Variants in MOB1B observed in about 807,000 individuals in gnomAD.
MOB1B encodes the protein MOB1 Mps One Binder homolog B.
A neutral mutation model predicts 24.4 loss-of-function variants in MOB1B; 19 were observed. That is an observed-to-expected ratio of 0.78 (90% CI 0.54 to 1.14). MOB1B has a LOEUF of 1.14. Ranked by LOEUF, MOB1B falls within the 50% of genes most tolerant of loss-of-function variation. MOB1B has a pLI of 0.00. For missense variants in MOB1B, 243 were observed against 259.6 expected, an observed-to-expected ratio of 0.94 and a Z score of 0.44; for synonymous variants, 76 against 82.1, an observed-to-expected ratio of 0.93 and a Z score of 0.40.
chr4:70,981,280 T>G (rs1739203420), intron 5 of MOB1B, among the ~76,000 whole-genome samples: 1 of 152,168 alleles, frequency 6.6e-6, no homozygotes, highest in Non-Finnish European at 1.5e-5. Context: ...TGAATTAAAT[T>G]GAAACTAAGA....
At chr4:70,939,030 A>G (rs915370876) in intron 1 of MOB1B, among the ~76,000 whole-genome samples, 3 of 152,208 alleles carry the variant, frequency 2.0e-5, no homozygotes, top group Non-Finnish European at 2.9e-5. Flanking sequence ...TGCAAAAATG[A>G]GAGCTGCTGA....
chr4:70,949,457 G>C lies in MOB1B; in HGVS notation c.15-9417G>C, dbSNP rs977189804. Among the ~76,000 whole-genome samples the C allele has an allele frequency of 5.9e-5, 9 of 152,134 alleles. 1 individual carries two copies. In the South Asian group the frequency reaches 6.2e-4, roughly 11 times the overall value. The stretch of plus-strand genomic sequence containing the variant: ...TTGACAGCTTCTAACATTTTTTGCA[G>C]ATGCATGTCTGCCTTTCTGAAAGCG... On this transcript the variant is annotated intron_variant, in intron 1 of 5. Coordinates refer to ENST00000309395, the MANE Select transcript of MOB1B (RefSeq NM_173468.4).
intron 4 of MOB1B, 120 bp downstream of exon 4, chr4:70,975,406 G>A: frequency 6.8e-7 from 1 of 1,461,616 alleles, no homozygotes; most frequent in African/African-American, 1.4e-5. Flanking sequence ...GTTGATATAT[G>A]TATATGTTAC....
intron 1 of MOB1B, among the ~76,000 whole-genome samples, chr4:70,943,923 A>T (rs1445012802): frequency 6.6e-6 from 1 of 152,238 alleles, no homozygotes; most frequent in Non-Finnish European, 1.5e-5. Context: ...ATATATAAAT[A>T]CAAAATTTGA....
chr4:70,913,195 G>A (rs138933872), intron 1 of MOB1B, among the ~76,000 whole-genome samples: 223 of 152,134 alleles, frequency 1.5e-3, no homozygotes, highest in Middle Eastern at 6.8e-3. Context: ...TTTGAGTTAC[G>A]CATTTGAGGC....
chr4:70,971,793 C>T (rs1347764332), intron 3 of MOB1B, among the ~76,000 whole-genome samples: 1 of 152,200 alleles, frequency 6.6e-6, no homozygotes, highest in Non-Finnish European at 1.5e-5. Context: ...GCCAGTTCTT[C>T]TGGCTTGAGA....
At chr4:70,974,245 C>T (rs892379909) in intron 3 of MOB1B, among the ~76,000 whole-genome samples, 3 of 151,880 alleles carry the variant, frequency 2.0e-5, no homozygotes, top group Non-Finnish European at 4.4e-5. Context: ...ACCTCCTCCT[C>T]CCTGGTTCAA....
At chr4:70,944,732 G>A (rs1467545547) in intron 1 of MOB1B, among the ~76,000 whole-genome samples, 1 of 152,116 alleles carries the variant, frequency 6.6e-6, no homozygotes, top group Non-Finnish European at 1.5e-5. Context: ...GGCAAAAGTA[G>A]GAGCAAGACA....
At chr4:70,905,024 T>TA (rs1196295111) in intron 1 of MOB1B, among the ~76,000 whole-genome samples, 2 of 152,202 alleles carry the variant, frequency 1.3e-5, no homozygotes, top group Admixed American at 1.3e-4. Context: ...TCAGTTAGGT[T>TA]ATATCTATCT....
At position 70,965,796 on chromosome 4, in the gene MOB1B, CAAAAAAAAAAAAA is replaced by C. The variant is rs71211986; in HGVS notation, c.182-4119_182-4107del. On this transcript the variant is annotated intron_variant, in intron 2 of 5. Transcript: ENST00000309395. Reference sequence around the variant, plus strand: ...TGGGCGACAGAGCGAGACTCCGTCTCAAAAAAAAAAAAAAAAAAAAAAAAAAAAGTTGTAAGAG... The same window carrying C: ...TGGGCGACAGAGCGAGACTCCGTCTCAAAAAAAAAAAAAAAGTTGTAAGAG... Among the ~76,000 whole-genome samples, 5 of 28,700 alleles carry C rather than the reference CAAAAAAAAAAAAA, an allele frequency of 1.7e-4. 1 individual carries two copies. In the East Asian group the frequency reaches 2.7e-3, roughly 16 times the overall value. The allele number at this position is 28,700 out of a possible 152,430, so 18.8% of individuals were successfully genotyped here.
intron 1 of MOB1B, among the ~76,000 whole-genome samples, chr4:70,914,206 A>G (rs992813505): frequency 2.0e-5 from 3 of 152,200 alleles, no homozygotes; most frequent in African/African-American, 4.8e-5. Context: ...CTTGAACTAT[A>G]CAGGCTCTTT....
At chr4:70,902,884 G>GTA (rs1412149567) in intron 1 of MOB1B, among the ~76,000 whole-genome samples, 1 of 152,208 alleles carries the variant, frequency 6.6e-6, no homozygotes, top group African/African-American at 2.4e-5. Flanking sequence ...CTTCTCGTGG[G>GTA]TATCTCCCAC....
intron 2 of MOB1B, among the ~76,000 whole-genome samples, chr4:70,968,689 A>G (rs1738636568): frequency 6.6e-6 from 1 of 152,168 alleles, no homozygotes; most frequent in South Asian, 2.1e-4. Context: ...ATCATAGCTC[A>G]TTATAGCCTC....
chr4:70,902,676 C>T, intron 1 of MOB1B, 126 bp downstream of exon 1: 1 of 920,264 alleles, frequency 1.1e-6, no homozygotes, highest in Non-Finnish European at 1.5e-6. Context: ...GGCCCGGCGT[C>T]ACCACCAAGC....
intron 2 of MOB1B, 43 bp from the exon 3 acceptor site, chr4:70,969,888 T>C: frequency 9.1e-7 from 1 of 1,098,468 alleles, no homozygotes; most frequent in Non-Finnish European, 1.4e-6. Context: ...TCATTTTAAA[T>C]TTAGCCATTC....
chr4:70,969,024 A>G (rs147744388), intron 2 of MOB1B, among the ~76,000 whole-genome samples: 41 of 152,290 alleles, frequency 2.7e-4, no homozygotes, highest in African/African-American at 8.4e-4. Context: ...TCATAAATCA[A>G]ATGTTTCATC....
intron 1 of MOB1B, among the ~76,000 whole-genome samples, chr4:70,946,081 GTTCTT>G (rs1276929851): frequency 8.2e-5 from 7 of 85,182 alleles, no homozygotes; most frequent in Admixed American, 2.8e-4. Flanking sequence ...GTTTTTGTTT[GTTCTT>G]TTTTTTTTTT....
At chr4:70,919,186 A>G (rs1736322239) in intron 1 of MOB1B, among the ~76,000 whole-genome samples, 1 of 152,082 alleles carries the variant, frequency 6.6e-6, no homozygotes, top group South Asian at 2.1e-4. Flanking sequence ...GAGGGATAGC[A>G]TTAGGAGATA....
At chr4:70,935,228 C>T (rs565209368) in intron 1 of MOB1B, among the ~76,000 whole-genome samples, 119 of 152,262 alleles carry the variant, frequency 7.8e-4, no homozygotes, top group South Asian at 1.2e-3. Context: ...ATGTGGGCTA[C>T]AGCCTACATG....
Sources: allele counts gnomAD v4.1 joint callset (sites outside exome capture counted in the v4.1 genomes callset), GRCh38; gene constraint gnomAD v4.1.1; transcripts MANE v1.5; gene names NCBI Gene and HGNC (gene_info 2026-07-23, HGNC 2026-07-21).